Variants in SRCAP observed in about 807,000 individuals in gnomAD.
SRCAP encodes the protein chromatin remodeling protein SRCAP.
A neutral mutation model predicts 263.1 loss-of-function variants in SRCAP; 46 were observed. The observed-to-expected ratio is 0.17, with a 90% CI of 0.14 to 0.22. The LOEUF (loss-of-function observed/expected upper bound fraction) is 0.22. SRCAP is among the 10% of genes least tolerant of loss of function. The pLI is 1.00. For missense variants in SRCAP, 3,695 were observed against 4,181.9 expected (o/e 0.88, Z 3.21); for synonymous variants, 1,813 against 1,662.1 (o/e 1.09, Z -2.21).
chr16:30,720,195 C>T lies in SRCAP; in HGVS notation c.2851C>T (p.Leu951=), dbSNP rs2052996888. Residue 951 remains leucine (L), a synonymous_variant, in exon 19 of 34, where the codon CTG becomes TTG. Coordinates refer to ENST00000262518, the MANE Select transcript of SRCAP (RefSeq NM_006662.3). The part of the protein sequence containing the change: ...IDMGRFDLIG[L]EGRVSRYEAD... Reference sequence around the variant, plus strand: ...CATGGGTCGATTTGACCTTATTGGCCTGGAAGGTCGTGTCTCTCGATATGA... The same window carrying T: ...CATGGGTCGATTTGACCTTATTGGCTTGGAAGGTCGTGTCTCTCGATATGA... 4 of 1,613,576 alleles carry T rather than the reference C, an allele frequency of 2.5e-6. No homozygotes were observed. Among genetic ancestry groups the T allele is most frequent in the East Asian group, 2.2e-5 (1 of 44,862 alleles).
At chr16:30,706,513 A>T (rs888263397) in intron 4 of SRCAP, among the ~76,000 whole-genome samples, 1 of 152,162 alleles carries the variant, frequency 6.6e-6, no homozygotes, top group African/African-American at 2.4e-5. Context: ...AAAAAATTTT[A>T]AATGCTTTTT....
Position 30,724,002 on chromosome 16 carries a change from G to C in SRCAP, c.4578G>C (p.Leu1526Phe). 1 of 1,614,040 alleles carries C rather than the reference G, an allele frequency of 6.2e-7. No homozygotes were observed. Among genetic ancestry groups the C allele is most frequent in the Non-Finnish European group, 8.5e-7 (1 of 1,180,016 alleles). Residue 1526 changes from leucine (L) to phenylalanine (F), a missense_variant, in exon 25 of 34, where the codon TTG (leucine) becomes TTC (phenylalanine). By Grantham distance (22) the Leu-to-Phe change is conservative. Coordinates refer to ENST00000262518, the MANE Select transcript of SRCAP (RefSeq NM_006662.3). ...CTCAGACACCTGGTCACCCTCTGTT[G>C]TTGGCTCCCACCTCTTCACATGTTC... Reference protein sequence around the residue: ...SSSQTPGHPLLLAPTSSHVPG... With the variant: ...SSSQTPGHPLFLAPTSSHVPG...
chr16:30,705,405 A>G (rs1286138514), intron 4 of SRCAP, among the ~76,000 whole-genome samples: 3 of 151,888 alleles, frequency 2.0e-5, no homozygotes, highest in East Asian at 1.9e-4. Flanking sequence ...TATTTTATTT[A>G]TTTATTTTGT....
intron 24 of SRCAP, 29 bp downstream of exon 24, chr16:30,723,258 C>T (rs763561468): frequency 2.5e-6 from 4 of 1,570,326 alleles, no homozygotes; most frequent in Middle Eastern, 1.8e-4. Context: ...GGCCAGAAAT[C>T]CTTGCCAGGA....
At chr16:30,722,803 T>C (rs749909359) in intron 23 of SRCAP, 55 bp downstream of exon 23, 48 of 1,566,598 alleles carry the variant, frequency 3.1e-5, no homozygotes, top group Non-Finnish European at 3.7e-5. Context: ...CTTCCAGGCA[T>C]GCGCTGGGCT....
intron 2 of SRCAP, 104 bp from the exon 3 acceptor site, chr16:30,700,512 C>T: frequency 3.9e-6 from 1 of 259,006 alleles, no homozygotes; most frequent in Non-Finnish European, 7.5e-6. Flanking sequence ...CCTGTAATTT[C>T]TGTGTTTCTC....
At chr16:30,718,475 CTTT>C (rs770730538) in intron 18 of SRCAP, among the ~76,000 whole-genome samples, 2 of 134,718 alleles carry the variant, frequency 1.5e-5, no homozygotes, top group African/African-American at 2.7e-5. Flanking sequence ...CTGTGCCTGG[CTTT>C]TTTTTTTTTT....
In SRCAP at chr16:30,721,485, C is replaced by G. The variant is rs760115340; in HGVS notation, c.3541+9C>G. 3 of 1,606,424 alleles carry G rather than the reference C, an allele frequency of 1.9e-6. No homozygotes were observed. The South Asian group carries it at 3.3e-5, about 18-fold the overall frequency. ...GCAGGCTCGCCTGCCCTGTAAGTTC[C>G]CAGGGCTCTGTGGTGAGGGACTTGA... On this transcript the variant is annotated intron_variant, in intron 21 of 33. Transcript: ENST00000262518.
In SRCAP at chr16:30,724,673, C is replaced by T; in HGVS notation, c.5249C>T (p.Pro1750Leu). 7 of 1,614,126 alleles carry T rather than the reference C, an allele frequency of 4.3e-6. No homozygotes were observed. Among genetic ancestry groups the T allele is most frequent in the Non-Finnish European group, 5.9e-6 (7 of 1,180,012 alleles). Residue 1750 changes from proline (P) to leucine (L), a missense_variant, in exon 25 of 34, where the codon CCA becomes CTA. Around this residue, in one of 12 missense-constraint regions of SRCAP, gnomAD observed 1,347 missense variants for 1,304.4 expected, o/e 1.03. Transcript: ENST00000262518. ...CCAACTCAGACGCTGTCTCTGGCTC[C>T]AGCACCCCCTCTGGCTCCAGCTTCT... ...LGPTQTLSLAPAPPLAPASPV... is the reference protein window; with the variant it reads ...LGPTQTLSLALAPPLAPASPV...
intron 25 of SRCAP, 42 bp from the exon 26 acceptor site, chr16:30,728,924 T>G (rs779788515): frequency 4.4e-6 from 7 of 1,577,216 alleles, no homozygotes; most frequent in Non-Finnish European, 6.0e-6. Flanking sequence ...TGATGTGGAC[T>G]CTGAGGGTGC....
Position 30,724,307 on chromosome 16 carries a change from C to G in SRCAP, c.4883C>G (p.Pro1628Arg), listed in dbSNP as rs34832576. 6.2e-7 allele frequency: 1 copy of G among 1,614,156 alleles called. No individual in the cohort carries two copies. The highest frequency in any genetic ancestry group is 1.7e-5 in the Admixed American group (1 of 60,022). The change falls in exon 25 of 34, where the codon CCG (proline) becomes CGG (arginine). Residue 1628 changes from proline to arginine, a missense_variant. This residue lies in a region of SRCAP where 1,347 missense variants were observed against 1,304.4 expected (regional missense o/e 1.03). Coordinates refer to ENST00000262518, the MANE Select transcript of SRCAP (RefSeq NM_006662.3). ...AAPVLASSQTPVPVMAPSSTP... is the reference protein window; with the variant it reads ...AAPVLASSQTRVPVMAPSSTP... ...CCTGTCCTGGCTTCATCACAGACTC[C>G]GGTTCCAGTTATGGCTCCATCGTCT... is the stretch of plus-strand genomic sequence containing the variant.
chr16:30,721,358 T>C lies in SRCAP; in HGVS notation c.3423T>C (p.Pro1141=). The C allele has an allele frequency of 1.2e-6, 2 of 1,614,156 alleles. No individual in the cohort carries two copies. Among genetic ancestry groups the C allele is most frequent in the Non-Finnish European group, 1.7e-6 (2 of 1,180,040 alleles). ...TGCCACCAGGCTACACCTTCCCTCC[T>C]GCTGCTGCCACCACCACTTCTACCA... is the stretch of plus-strand genomic sequence containing the variant. ...LTVPPGYTFP[P]AAATTTSTTT... Residue 1141 remains proline, a synonymous_variant, in exon 21 of 34, where the codon CCT becomes CCC. Transcript: ENST00000262518.
intron 6 of SRCAP, among the ~76,000 whole-genome samples, chr16:30,708,436 C>T (rs1452536778): frequency 2.6e-5 from 4 of 152,096 alleles, no homozygotes; most frequent in African/African-American, 4.8e-5. Flanking sequence ...AGTCTCACCC[C>T]GTCACCTAGG....
chr16:30,700,205 C>A (rs1184059299), intron 2 of SRCAP, among the ~76,000 whole-genome samples: 2 of 152,168 alleles, frequency 1.3e-5, no homozygotes, highest in Non-Finnish European at 2.9e-5. Flanking sequence ...AGCAGGTTTT[C>A]CTTGGTTTTG....
At chr16:30,731,150 ACAAAAGACCTC>A (rs1369246593) in intron 27 of SRCAP, among the ~76,000 whole-genome samples, 27 of 152,354 alleles carry the variant, frequency 1.8e-4, no homozygotes, top group South Asian at 2.1e-4. Context: ...TTTTCTGGGA[ACAAAAGACCTC>A]CAAGCTGACT....
At chr16:30,723,366 G>C in intron 24 of SRCAP, 137 bp downstream of exon 24, 3 of 1,430,616 alleles carry the variant, frequency 2.1e-6, no homozygotes, top group Non-Finnish European at 2.8e-6. Context: ...CCCAGAACTG[G>C]GCTGCCTGAG....
chr16:30,724,649 C>T lies in SRCAP; in HGVS notation c.5225C>T (p.Pro1742Leu), dbSNP rs2053045124. Residue 1742 changes from proline (P) to leucine (L), a missense_variant, in exon 25 of 34, where the codon CCA becomes CTA. By Grantham distance (98) the Pro-to-Leu change is moderately conservative. Transcript: ENST00000262518. ...TTGGCACCAGGACCACCACTGGGTC[C>T]AACTCAGACGCTGTCTCTGGCTCCA... The part of the protein sequence containing the change: ...LSLAPGPPLG[P>L]TQTLSLAPAP... The T allele has an allele frequency of 6.2e-7, 1 of 1,614,142 alleles. No individual in the cohort carries two copies. Among genetic ancestry groups the T allele is most frequent in the Non-Finnish European group, 8.5e-7 (1 of 1,180,036 alleles).
chr16:30,736,095 C>A, intron 31 of SRCAP, 105 bp from the exon 32 acceptor site: 1 of 1,388,652 alleles, frequency 7.2e-7, no homozygotes, highest in South Asian at 1.3e-5. Context: ...CTGTTGCAAA[C>A]CTAGTTTGGT....
rs2053021493 is a variant in SRCAP, at chr16:30,722,579, C to T, written c.3723C>T (p.Leu1241=). 11 of 1,613,946 alleles carry T rather than the reference C, an allele frequency of 6.8e-6. No individual in the cohort carries two copies. Among genetic ancestry groups the T allele is most frequent in the South Asian group, 2.2e-5 (2 of 91,078 alleles). Residue 1241 remains leucine, a synonymous_variant, in exon 23 of 34, where the codon CTC becomes CTT. Coordinates refer to ENST00000262518, the MANE Select transcript of SRCAP (RefSeq NM_006662.3). The part of the protein sequence containing the change: ...PRPLQRNVVH[L]VSAGGQHHLI... ...TTAACCCAGGGAATGTGGTGCACCT[C>T]GTGTCAGCAGGGGGGCAGCACCATC...
Sources: gnomAD v4.1 joint callset for allele counts (sites outside exome capture counted in the v4.1 genomes callset) on GRCh38, gnomAD v4.1.1 for gene constraint, gnomAD v4.1.1 regional missense constraint, MANE v1.5 for transcripts, NCBI Gene and HGNC (gene_info 2026-07-23, HGNC 2026-07-21) for gene names.